Variants in PRSS12 observed in about 807,000 individuals in gnomAD.
PRSS12 encodes neurotrypsin.
A neutral mutation model predicts 104.4 loss-of-function variants in PRSS12; 85 were observed. That is an observed-to-expected ratio of 0.81 (90% confidence interval 0.68 to 0.98). PRSS12 has a LOEUF of 0.98. PRSS12 is among the 50% of genes least tolerant of loss of function. PRSS12 has a pLI of 0.00. For synonymous variants in PRSS12, 454 were observed against 425.2 expected (o/e 1.07, Z -0.83); for missense variants, 1,141 against 1,139.2 (o/e 1.00, Z -0.02).
In PRSS12 at chr4:118,335,601, G is replaced by C. The variant is rs1399902168; in HGVS notation, c.692C>G (p.Pro231Arg). The change falls in exon 3 of 13, where the codon CCC becomes CGC. Residue 231 changes from proline (P) to arginine (R), a missense_variant. Coordinates refer to ENST00000296498, the MANE Select transcript of PRSS12 (RefSeq NM_003619.4). ...QTPFSGLGLI[P>R]IYWSNVRCRG... is the part of the protein sequence containing the mutation. The stretch of plus-strand genomic sequence containing the variant: ...GCAACGGACATTGCTCCAATAAATG[G>C]GAATAAGGCCCAGTCCAGAAAACGG... The C allele has an allele frequency of 6.2e-7, 1 of 1,613,836 alleles. No individual in the cohort carries two copies. Among genetic ancestry groups the C allele is most frequent in the Non-Finnish European group, 8.5e-7 (1 of 1,179,970 alleles).
intron 5 of PRSS12, among the ~76,000 whole-genome samples, chr4:118,316,809 G>A (rs1578920910): frequency 1.7e-5 from 2 of 121,210 alleles, no homozygotes; most frequent in African/African-American, 3.0e-5. Flanking sequence ...GCAACAAAGC[G>A]AGACTCCGTC....
chr4:118,281,929 T>C lies in PRSS12; in HGVS notation c.*7A>G. The C allele has an allele frequency of 8.6e-7, 1 of 1,168,388 alleles. No individual in the cohort carries two copies. Among genetic ancestry groups the C allele is most frequent in the Non-Finnish European group, 1.3e-6 (1 of 772,506 alleles). The allele number at this position is 1,168,388 out of a possible 1,614,324, so 72.4% of individuals were successfully genotyped here. On this transcript the variant is annotated 3_prime_UTR_variant, in exon 13 of 13. Coordinates refer to ENST00000296498, the MANE Select transcript of PRSS12 (RefSeq NM_003619.4). Reference sequence around the variant, plus strand: ...TTTAAATGCTGCTTTGAAGTTTCCATGAAGAATTACAGTTTGGTGACACTT... The same window carrying C: ...TTTAAATGCTGCTTTGAAGTTTCCACGAAGAATTACAGTTTGGTGACACTT...
intron 1 of PRSS12, 143 bp from the exon 2 acceptor site, chr4:118,338,457 G>T: frequency 9.5e-7 from 1 of 1,056,974 alleles, no homozygotes; most frequent in Non-Finnish European, 1.4e-6. Context: ...TGTGTGGCAT[G>T]TGTTTCTTCC....
chr4:118,350,185 G>A (rs558984175), intron 1 of PRSS12, among the ~76,000 whole-genome samples: 13 of 152,228 alleles, frequency 8.5e-5, no homozygotes, highest in African/African-American at 2.9e-4. Flanking sequence ...CAAAACTTGC[G>A]TTTCTCCTGA....
At chr4:118,294,139 T>C (rs1340192687) in intron 11 of PRSS12, among the ~76,000 whole-genome samples, 1 of 152,226 alleles carries the variant, frequency 6.6e-6, no homozygotes. Context: ...GCAAAAATGT[T>C]TCAACAATGT....
In PRSS12 at chr4:118,335,668, C is replaced by T. The variant is rs752412816; in HGVS notation, c.642-17G>A. The T allele has an allele frequency of 7.4e-6, 12 of 1,611,208 alleles. No individual in the cohort carries two copies. Among genetic ancestry groups the T allele is most frequent in the South Asian group, 5.5e-5 (5 of 91,006 alleles). ...CCTTTTCCTCTGGAAGTACAATGAG[C>T]GATATTAGGTTTATCAAATGTAGGC... On this transcript the variant is annotated splice_polypyrimidine_tract_variant and intron_variant, in intron 2 of 12. Coordinates refer to ENST00000296498, the MANE Select transcript of PRSS12 (RefSeq NM_003619.4).
rs1723416106 is a variant in PRSS12 at position 118,316,452 on chromosome 4, A to T, written c.1151-129T>A. 9.6e-6 allele frequency: 11 copies of T among 1,140,070 alleles called. No homozygotes were observed. In the South Asian group the frequency reaches 1.5e-4, roughly 15 times the overall value. 70.6% of individuals were successfully genotyped at this position (1,140,070 alleles called of 1,614,324 possible). ...CTAGGCCTTTTGCTAAACTTACATT[A>T]CATCTGTGCTAAATGACCCTCTGAG... On this transcript the variant is annotated intron_variant, in intron 5 of 12. Transcript: ENST00000296498.
chr4:118,350,144 G>C (rs1229856544), intron 1 of PRSS12, among the ~76,000 whole-genome samples: 2 of 152,174 alleles, frequency 1.3e-5, no homozygotes, highest in African/African-American at 4.8e-5. Flanking sequence ...TACATGCTCA[G>C]CGCTGCAAAG....
intron 11 of PRSS12, among the ~76,000 whole-genome samples, chr4:118,290,047 G>A (rs1054656668): frequency 3.3e-5 from 5 of 152,086 alleles, no homozygotes; most frequent in African/African-American, 9.7e-5. Flanking sequence ...TCTGGCAACT[G>A]AGCCACCACT....
chr4:118,312,090 A>C (rs575931582), intron 7 of PRSS12, among the ~76,000 whole-genome samples: 1 of 152,336 alleles, frequency 6.6e-6, no homozygotes, highest in South Asian at 2.1e-4. Flanking sequence ...AGATGGAATA[A>C]AAACATGTAT....
At chr4:118,319,680 ATGT>A (rs1442133561) in intron 4 of PRSS12, among the ~76,000 whole-genome samples, 1 of 151,326 alleles carries the variant, frequency 6.6e-6, no homozygotes, top group Non-Finnish European at 1.5e-5. Flanking sequence ...TTCTTTTTTA[ATGT>A]TGTTGTTATT....
chr4:118,315,069 C>T (rs1317012660), intron 6 of PRSS12, among the ~76,000 whole-genome samples: 1 of 151,948 alleles, frequency 6.6e-6, no homozygotes, highest in Admixed American at 6.5e-5. Context: ...CAAGAAAAGA[C>T]AAAATGGGGG....
chr4:118,338,142 G>A (rs1369687543), intron 2 of PRSS12, 34 bp downstream of exon 2: 1 of 1,613,250 alleles, frequency 6.2e-7, no homozygotes, highest in Non-Finnish European at 8.5e-7. Context: ...TCAAATACTA[G>A]CTGACTGATT....
Position 118,298,730 on chromosome 4 carries a change from T to C in PRSS12, c.1837+3A>G, listed in dbSNP as rs1460755563. On this transcript the variant is annotated splice_donor_region_variant and intron_variant, in intron 9 of 12. Coordinates refer to ENST00000296498, the MANE Select transcript of PRSS12 (RefSeq NM_003619.4). ...TTGTTTAGGGCTCCAGAAGGTGACT[T>C]ACCTTTATTACTGTTACCTGAGGCC... 1 of 1,613,972 alleles carries C rather than the reference T, an allele frequency of 6.2e-7. No homozygotes were observed. The highest frequency in any genetic ancestry group is 8.5e-7 in the Non-Finnish European group (1 of 1,179,822).
intron 11 of PRSS12, among the ~76,000 whole-genome samples, chr4:118,283,976 G>A (rs1373734512): frequency 1.3e-5 from 2 of 152,104 alleles, no homozygotes; most frequent in Non-Finnish European, 2.9e-5. Context: ...TATTATTAAT[G>A]TATACTTTCT....
chr4:118,295,180 C>A, intron 10 of PRSS12, 119 bp from the exon 11 acceptor site: 106 of 1,249,654 alleles, frequency 8.5e-5, no homozygotes, highest in Non-Finnish European at 7.1e-5. Context: ...AAAAGGAAAG[C>A]AAAAGGGACT....
chr4:118,285,613 T>A (rs1742995634), intron 11 of PRSS12, among the ~76,000 whole-genome samples: 1 of 152,292 alleles, frequency 6.6e-6, no homozygotes, highest in East Asian at 1.9e-4. Context: ...TTAGTCTGAA[T>A]TGAGATGTGC....
intron 1 of PRSS12, among the ~76,000 whole-genome samples, chr4:118,345,333 A>T (rs778677316): frequency 4.6e-5 from 7 of 152,086 alleles, no homozygotes; most frequent in Admixed American, 2.0e-4. Flanking sequence ...GATTTGTAAG[A>T]AGGAGGAGGA....
chr4:118,295,773 T>C lies in PRSS12; in HGVS notation c.1916+5A>G, dbSNP rs761411527. On this transcript the variant is annotated splice_donor_5th_base_variant and intron_variant, in intron 10 of 12. Transcript: ENST00000296498. Reference sequence around the variant, plus strand: ...ATAAAAAATCTCTTTTGGAGGAACATTTACCTTAAAGAATTTTTCCCACCA... The same window carrying C: ...ATAAAAAATCTCTTTTGGAGGAACACTTACCTTAAAGAATTTTTCCCACCA... 4.3e-6 allele frequency: 7 copies of C among 1,610,264 alleles called. No individual in the cohort carries two copies. The East Asian group carries it at 1.1e-4, about 26-fold the overall frequency.
Sources: allele counts gnomAD v4.1 joint callset (sites outside exome capture counted in the v4.1 genomes callset), GRCh38; gene constraint gnomAD v4.1.1; transcripts MANE v1.5; gene names NCBI Gene and HGNC (gene_info 2026-07-23, HGNC 2026-07-21).